SAMD15: variants seen among roughly 807,000 people sequenced by gnomAD.
SAMD15 encodes the protein sterile alpha motif domain containing 15.
SAMD15 carries 37 observed loss-of-function variants against 50.5 expected under a neutral mutation model. The ratio of observed to expected loss-of-function variants is 0.73; its 90% CI spans 0.56 to 0.96. The LOEUF (loss-of-function observed/expected upper bound fraction) is 0.96, where lower values mean the gene tolerates loss of function less well. Ranked by LOEUF, SAMD15 falls within the 40% of genes least tolerant of loss-of-function variation. The probability of loss-of-function intolerance (pLI) is 0.00; values close to 1 mark genes in which losing one functional copy is unlikely to be tolerated. For missense variants in SAMD15, 789 were observed against 783.8 expected (o/e 1.01, Z -0.08); for synonymous variants, 255 against 282.8 (o/e 0.90, Z 0.99).
rs764718175 is a variant in SAMD15, at chr14:77,391,116, G to C, written c.1897G>C (p.Gly633Arg). The C allele has an allele frequency of 1.9e-6, 3 of 1,613,570 alleles. No homozygotes were observed. Among genetic ancestry groups the C allele is most frequent in the South Asian group, 2.2e-5 (2 of 91,074 alleles). ...DIIGLYLEQK[G>R]HTGIKSDSLT... The stretch of plus-strand genomic sequence containing the variant: ...TATCGGCTTATATTTAGAGCAAAAA[G>C]GTCATACTGGGATAAAATCTGATTC... The change falls in exon 3 of 3, where the codon GGT (glycine) becomes CGT (arginine). Residue 633 changes from glycine (G) to arginine (R), a missense_variant. Coordinates refer to ENST00000216471, the MANE Select transcript of SAMD15 (RefSeq NM_001010860.4).
intron 2 of SAMD15, among the ~76,000 whole-genome samples, chr14:77,387,137 A>T (rs1894014231): frequency 6.6e-6 from 1 of 152,138 alleles, no homozygotes; most frequent in Non-Finnish European, 1.5e-5. Flanking sequence ...TTGTTTGTTC[A>T]TCAGAACTAG....
At chr14:77,381,418 C>A (rs879842438) in intron 2 of SAMD15, among the ~76,000 whole-genome samples, 5 of 152,180 alleles carry the variant, frequency 3.3e-5, no homozygotes, top group Non-Finnish European at 5.9e-5. Flanking sequence ...AATAACCCTC[C>A]AAGAATGGAC....
At position 77,379,048 on chromosome 14, in the gene SAMD15, A is replaced by T. The variant is rs1276200005; in HGVS notation, c.1630A>T (p.Asn544Tyr). The T allele has an allele frequency of 5.0e-6, 8 of 1,613,954 alleles. No individual in the cohort carries two copies. The highest frequency in any genetic ancestry group is 6.8e-6 in the Non-Finnish European group (8 of 1,179,796). ...GACTGAGTTACAATTTGAGCATCTT[A>T]ATTGGGATCCAGAGGAAGTTGCAGA... ...KGTELQFEHL[N>Y]WDPEEVAEWI... The change falls in exon 1 of 3, where the codon AAT becomes TAT. Residue 544 changes from asparagine (N) to tyrosine (Y), a missense_variant. Around this residue, in one of 2 missense-constraint regions of SAMD15, gnomAD observed 770 missense variants for 745.4 expected, o/e 1.03. Transcript: ENST00000216471.
In SAMD15 at chr14:77,377,856, A is replaced by C. The variant is rs1555361298; in HGVS notation, c.438A>C (p.Thr146=). 6 of 1,614,132 alleles carry C rather than the reference A, an allele frequency of 3.7e-6. No homozygotes were observed. Among genetic ancestry groups the C allele is most frequent in the Middle Eastern group, 1.6e-4 (1 of 6,084 alleles). ...EPPEEAKPNV[T]EDVFLESAME... is the part of the protein sequence containing the mutation. ...CAGAGGAGGCTAAACCAAATGTTAC[A>C]GAGGATGTGTTCCTAGAGTCAGCTA... The change falls in exon 1 of 3, where the codon ACA becomes ACC. Residue 146 remains threonine (T), a synonymous_variant. Transcript: ENST00000216471.
chr14:77,387,986 A>T (rs991812208), intron 2 of SAMD15, among the ~76,000 whole-genome samples: 10 of 152,172 alleles, frequency 6.6e-5, no homozygotes, highest in African/African-American at 2.4e-4. Flanking sequence ...AAGGCTGCAG[A>T]GAGCTATGAT....
chr14:77,380,556 C>A, intron 2 of SAMD15, 75 bp downstream of exon 2: 1 of 956,704 alleles, frequency 1.0e-6, no homozygotes, highest in Non-Finnish European at 1.7e-6. Flanking sequence ...ACCTTTTTTT[C>A]CTCCAGCCTG....
chr14:77,391,679 C>T lies in SAMD15; in HGVS notation c.*435C>T, dbSNP rs1237809570. Among the ~76,000 whole-genome samples the T allele has an allele frequency of 6.6e-6, 1 of 152,130 alleles. No individual in the cohort carries two copies. The highest frequency in any genetic ancestry group is 2.4e-5 in the African/African-American group (1 of 41,434). ...GCTTCATTCCTAGTTGTGTCTCTGA[C>T]TTATGGTACCCTCCCTTTCTTTTTG... is the stretch of plus-strand genomic sequence containing the variant. On this transcript the variant is annotated 3_prime_UTR_variant, in exon 3 of 3. Coordinates refer to ENST00000216471, the MANE Select transcript of SAMD15 (RefSeq NM_001010860.4).
intron 2 of SAMD15, among the ~76,000 whole-genome samples, chr14:77,390,688 G>A (rs1433809346): frequency 6.6e-6 from 1 of 152,090 alleles, no homozygotes; most frequent in Non-Finnish European, 1.5e-5. Context: ...TCAAAAGTTC[G>A]AGACCAGCCT....
At chr14:77,388,072 G>A (rs17750993) in intron 2 of SAMD15, among the ~76,000 whole-genome samples, 4 of 152,050 alleles carry the variant, frequency 2.6e-5, no homozygotes, top group African/African-American at 9.7e-5. Context: ...CGAATGTGTA[G>A]GGAACACTTT....
At chr14:77,386,279 C>A (rs4903581) in intron 2 of SAMD15, among the ~76,000 whole-genome samples, 17,918 of 152,132 alleles carry the variant, frequency 0.12, 1,100 homozygotes, top group African/African-American at 0.13. Flanking sequence ...CAGAACAATT[C>A]TGTCACTCTA....
chr14:77,379,273 T>C, intron 1 of SAMD15, 166 bp downstream of exon 1: 1 of 632,752 alleles, frequency 1.6e-6, no homozygotes, highest in Non-Finnish European at 2.7e-6. Context: ...CACTGATGTA[T>C]ATTTGTATTT....
chr14:77,391,541 C>A lies in SAMD15; in HGVS notation c.*297C>A. The A allele has an allele frequency of 4.3e-6, 1 of 231,788 alleles. No individual in the cohort carries two copies. Among genetic ancestry groups the A allele is most frequent in the Non-Finnish European group, 8.3e-6 (1 of 120,064 alleles). The allele number at this position is 231,788 out of a possible 1,614,324, so 14.4% of individuals were successfully genotyped here. The stretch of plus-strand genomic sequence containing the variant: ...CCATGTTGGCCAGGCTGGTCTGAAA[C>A]TCCTAACAGTTGATCTGCCCGCCGT... On this transcript the variant is annotated 3_prime_UTR_variant, in exon 3 of 3. Transcript: ENST00000216471.
Position 77,378,314 on chromosome 14 carries a change from A to T in SAMD15, c.896A>T (p.Glu299Val), listed in dbSNP as rs1205086403. 1 of 1,611,920 alleles carries T rather than the reference A, an allele frequency of 6.2e-7. No individual in the cohort carries two copies. Among genetic ancestry groups the T allele is most frequent in the South Asian group, 1.1e-5 (1 of 90,662 alleles). The change falls in exon 1 of 3, where the codon GAG (glutamate) becomes GTG (valine). Residue 299 changes from glutamate (E) to valine (V), a missense_variant. Physicochemically the swap from Glu to Val is moderately radical, Grantham distance 121. Transcript: ENST00000216471. The stretch of plus-strand genomic sequence containing the variant: ...GAGATGCAAAGAAAGGCAACTGAGG[A>T]GAAAGGGACAGAACTACCTGAGCGG... ...PEEMQRKATE[E>V]KGTELPERTK...
Position 77,377,768 on chromosome 14 carries a change from A to C in SAMD15, c.350A>C (p.Glu117Ala). The C allele has an allele frequency of 6.2e-7, 1 of 1,614,108 alleles. No homozygotes were observed. Among genetic ancestry groups the C allele is most frequent in the African/African-American group, 1.3e-5 (1 of 75,010 alleles). Reference sequence around the variant, plus strand: ...TCGGAAACATCCAGAGAGATGGGAGAGTTTTTCAAAGATTTGGAGGCCCCT... The same window carrying C: ...TCGGAAACATCCAGAGAGATGGGAGCGTTTTTCAAAGATTTGGAGGCCCCT... ...VKSETSREMG[E>A]FFKDLEAPMD... Residue 117 changes from glutamate to alanine, a missense_variant, in exon 1 of 3, where the codon GAG (glutamate) becomes GCG (alanine). Physicochemically the swap from Glu to Ala is moderately radical, Grantham distance 107. Transcript: ENST00000216471.
chr14:77,388,048 T>C (rs1291545170), intron 2 of SAMD15, among the ~76,000 whole-genome samples: 1 of 152,164 alleles, frequency 6.6e-6, no homozygotes, highest in Non-Finnish European at 1.5e-5. Flanking sequence ...CCTGTCTTGA[T>C]AAATAAATAC....
In SAMD15 at chr14:77,378,292, A is replaced by C; in HGVS notation, c.874A>C (p.Met292Leu). Residue 292 changes from methionine to leucine, a missense_variant, in exon 1 of 3, where the codon ATG becomes CTG. Transcript: ENST00000216471. Reference sequence around the variant, plus strand: ...GACTCAACCAGAGGTTCCAGAGGAGATGCAAAGAAAGGCAACTGAGGAGAA... The same window carrying C: ...GACTCAACCAGAGGTTCCAGAGGAGCTGCAAAGAAAGGCAACTGAGGAGAA... ...EETQPEVPEE[M>L]QRKATEEKGT... 1.2e-6 allele frequency: 2 copies of C among 1,612,390 alleles called. No individual in the cohort carries two copies. Among genetic ancestry groups the C allele is most frequent in the Non-Finnish European group, 1.7e-6 (2 of 1,179,658 alleles).
At chr14:77,387,650 C>T (rs142532897) in intron 2 of SAMD15, among the ~76,000 whole-genome samples, 180 of 151,944 alleles carry the variant, frequency 1.2e-3, no homozygotes, top group African/African-American at 4.2e-3. Context: ...CCCCTAAGCA[C>T]CAAGAGCCAT....
chr14:77,390,902 G>T (rs2139654569), intron 2 of SAMD15, 106 bp from the exon 3 acceptor site: 5 of 746,800 alleles, frequency 6.7e-6, no homozygotes, highest in South Asian at 3.4e-5. Context: ...AAAAAAGAAA[G>T]AAATAAGGAG....
rs1204464182 is a variant in SAMD15 at position 77,377,941 on chromosome 14, ACAGT to A, written c.527_530del (p.Val176GlufsTer5). 15 of 1,614,120 alleles carry A rather than the reference ACAGT, an allele frequency of 9.3e-6. No individual in the cohort carries two copies. Among genetic ancestry groups the A allele is most frequent in the South Asian group, 3.3e-5 (3 of 91,084 alleles). On this transcript the variant is annotated frameshift_variant, in exon 1 of 3. Transcript: ENST00000216471. LOFTEE classifies it high-confidence loss of function. ...AACCATGTCTGAGGTTTCGGGGGCC[ACAGT>A]CAGAGAGAGAAATTTAGAATTACTA...
Sources: allele counts gnomAD v4.1 joint callset (sites outside exome capture counted in the v4.1 genomes callset), GRCh38; gene constraint gnomAD v4.1.1; regional missense constraint gnomAD v4.1.1; transcripts MANE v1.5; gene names NCBI Gene and HGNC (gene_info 2026-07-23, HGNC 2026-07-21).